The following PPARG variants were observed in gnomAD, a reference collection of about 807,000 sequenced individuals.
PPARG encodes peroxisome proliferator activated receptor gamma, also known as peroxisome proliferator-activated receptor gamma.
Under a neutral mutation model 39.2 loss-of-function variants are expected in PPARG, and 17 were observed. The ratio of observed to expected loss-of-function variants is 0.43; its 90% confidence interval spans 0.30 to 0.65. PPARG has a LOEUF of 0.65. PPARG is among the 30% of genes least tolerant of loss of function. PPARG has a pLI of 0.13. For missense variants in PPARG, 406 were observed against 585.9 expected, an observed-to-expected ratio of 0.69 and a Z score of 3.17; for synonymous variants, 223 against 215.7, an observed-to-expected ratio of 1.03 and a Z score of -0.30.
intron 1 of PPARG, among the ~76,000 whole-genome samples, chr3:12,297,518 T>G (rs775698161): frequency 5.3e-5 from 8 of 152,150 alleles, no homozygotes; most frequent in Non-Finnish European, 1.2e-4. Context: ...ATAGTAAAGA[T>G]CAAGGCAATA....
intron 2 of PPARG, among the ~76,000 whole-genome samples, chr3:12,345,072 C>T (rs902157114): frequency 1.4e-5 from 2 of 145,574 alleles, no homozygotes; most frequent in Non-Finnish European, 3.1e-5. Flanking sequence ...AAACACTATA[C>T]AGATCCAAGG....
intron 7 of PPARG, among the ~76,000 whole-genome samples, chr3:12,422,713 C>T (rs563623343): frequency 1.3e-5 from 2 of 152,072 alleles, no homozygotes; most frequent in South Asian, 4.2e-4. Context: ...GGCTTCGTCT[C>T]TACAAAAAAT....
intron 1 of PPARG, among the ~76,000 whole-genome samples, chr3:12,297,277 G>A (rs924616927): frequency 1.3e-5 from 2 of 152,180 alleles, no homozygotes; most frequent in Non-Finnish European, 2.9e-5. Context: ...TAAAAAATGT[G>A]TGTGAACTAT....
At chr3:12,410,509 T>C (rs1288268253) in intron 6 of PPARG, among the ~76,000 whole-genome samples, 1 of 152,246 alleles carries the variant, frequency 6.6e-6, no homozygotes, top group Non-Finnish European at 1.5e-5. Flanking sequence ...ATCTAAGAGA[T>C]GGCGAAGCTC....
intron 1 of PPARG, among the ~76,000 whole-genome samples, chr3:12,305,202 G>A (rs1162387517): frequency 6.6e-6 from 1 of 151,762 alleles, no homozygotes. Flanking sequence ...TTTCCCAATT[G>A]CTACTGTCTC....
intron 6 of PPARG, 25 bp from the exon 7 acceptor site, chr3:12,416,679 C>T: frequency 1.2e-6 from 2 of 1,601,582 alleles, no homozygotes; most frequent in Non-Finnish European, 1.7e-6. Context: ...CCAAGTCATC[C>T]ACGTTTTCCC....
chr3:12,420,854 C>T (rs2051236674), intron 7 of PPARG, among the ~76,000 whole-genome samples: 1 of 152,208 alleles, frequency 6.6e-6, no homozygotes, highest in South Asian at 2.1e-4. Context: ...GCTCTCAAAC[C>T]AAGCTGCTGA....
chr3:12,388,032 T>C (rs898315436), intron 4 of PPARG, among the ~76,000 whole-genome samples: 7 of 152,138 alleles, frequency 4.6e-5, no homozygotes, highest in Non-Finnish European at 8.8e-5. Flanking sequence ...TATTAGTCTT[T>C]AAAAAGCAAG....
chr3:12,330,351 C>T, intron 2 of PPARG, among the ~76,000 whole-genome samples: 1 of 137,986 alleles, frequency 7.2e-6, no homozygotes, highest in Non-Finnish European at 1.5e-5. Flanking sequence ...CAAGTGTTAT[C>T]TCATTGTGGT....
chr3:12,298,557 G>T (rs2124945334), intron 1 of PPARG, among the ~76,000 whole-genome samples: 1 of 152,076 alleles, frequency 6.6e-6, no homozygotes, highest in East Asian at 1.9e-4. Context: ...CTTTCTTTGG[G>T]ACTTCTTTTG....
At chr3:12,393,190 A>ATTTTTTTTTT (rs143287325) in intron 5 of PPARG, among the ~76,000 whole-genome samples, 74 of 111,406 alleles carry the variant, frequency 6.6e-4, no homozygotes, top group Non-Finnish European at 7.7e-4. Context: ...GATTCATTTA[A>ATTTTTTTTTT]TTTTTTTTTT....
At chr3:12,372,983 C>T (rs2125150519) in intron 2 of PPARG, among the ~76,000 whole-genome samples, 1 of 152,308 alleles carries the variant, frequency 6.6e-6, no homozygotes, top group East Asian at 1.9e-4. Flanking sequence ...TGCAACACAA[C>T]TCAGTGTCAC....
chr3:12,292,006 C>A (rs1212544913), intron 1 of PPARG, among the ~76,000 whole-genome samples: 2 of 152,130 alleles, frequency 1.3e-5, no homozygotes, highest in African/African-American at 4.8e-5. Flanking sequence ...CTGAAAAGAA[C>A]CTTCATGAAT....
chr3:12,387,188 A>G (rs1170584472), intron 4 of PPARG, among the ~76,000 whole-genome samples: 1 of 152,192 alleles, frequency 6.6e-6, no homozygotes, highest in Non-Finnish European at 1.5e-5. Context: ...ATATGTGTGC[A>G]TGTGTCTTTA....
intron 7 of PPARG, among the ~76,000 whole-genome samples, chr3:12,429,369 A>G (rs1321196345): frequency 6.6e-6 from 1 of 152,106 alleles, no homozygotes; most frequent in Non-Finnish European, 1.5e-5. Flanking sequence ...AACGGGACCT[A>G]GTAGATTAAC....
chr3:12,341,158 G>A (rs2125069418), intron 2 of PPARG, among the ~76,000 whole-genome samples: 1 of 150,040 alleles, frequency 6.7e-6, no homozygotes, highest in Middle Eastern at 3.5e-3. Flanking sequence ...ACTCCAGCCT[G>A]GGCAACAGAG....
At chr3:12,376,130 G>A (rs2049398394) in intron 2 of PPARG, among the ~76,000 whole-genome samples, 1 of 151,992 alleles carries the variant, frequency 6.6e-6, no homozygotes, top group Non-Finnish European at 1.5e-5. Flanking sequence ...TGTATTTTTA[G>A]CAGAGATGGG....
rs561712769 is a variant in PPARG at position 12,375,672 on chromosome 3, C to T, written c.-8-4032C>T. ...ATGACCTGGGTTAGACAGGTTTGGA[C>T]GAATTTTGAAACAAAGGACACAGTT... On this transcript the variant is annotated intron_variant, in intron 2 of 7. Coordinates refer to ENST00000651735, the MANE Select transcript of PPARG (RefSeq NM_138711.6). Among the ~76,000 whole-genome samples the T allele has an allele frequency of 5.9e-5, 9 of 152,296 alleles. No individual in the cohort carries two copies. In the East Asian group the frequency reaches 9.7e-4, roughly 16 times the overall value.
intron 4 of PPARG, among the ~76,000 whole-genome samples, chr3:12,385,283 A>G (rs2049830641): frequency 6.6e-6 from 1 of 152,186 alleles, no homozygotes; most frequent in Admixed American, 6.6e-5. Context: ...AAGAATAAAC[A>G]CAGCATAAAA....
Sources: allele counts gnomAD v4.1 joint callset (sites outside exome capture counted in the v4.1 genomes callset), GRCh38; gene constraint gnomAD v4.1.1; transcripts MANE v1.5; gene names NCBI Gene and HGNC (gene_info 2026-07-23, HGNC 2026-07-21).